Variants in UBE2E2 observed in about 807,000 individuals in gnomAD.
The protein encoded by UBE2E2 is ubiquitin conjugating enzyme E2 E2.
UBE2E2 carries 6 observed loss-of-function variants against 24.7 expected under a neutral mutation model. The observed-to-expected ratio is 0.24, with a 90% CI of 0.13 to 0.48. UBE2E2 has a LOEUF of 0.48. Among genes scored for constraint, UBE2E2 ranks in the 20% least tolerant of loss-of-function variants. The pLI is 0.99. For synonymous variants in UBE2E2, 104 were observed against 83.6 expected, an observed-to-expected ratio of 1.24 and a Z score of -1.33; for missense variants, 169 against 245.0, an observed-to-expected ratio of 0.69 and a Z score of 2.07.
intron 3 of UBE2E2, among the ~76,000 whole-genome samples, chr3:23,271,449 G>A (rs1698239658): frequency 6.6e-6 from 1 of 152,222 alleles, no homozygotes; most frequent in African/African-American, 2.4e-5. Context: ...AGCTTCCACA[G>A]CGTGGTAAGG....
intron 3 of UBE2E2, among the ~76,000 whole-genome samples, chr3:23,257,620 C>G (rs1697771921): frequency 6.8e-6 from 1 of 147,800 alleles, no homozygotes; most frequent in South Asian, 2.2e-4. Context: ...ATCCTCCCAC[C>G]TCAGCCTCCG....
chr3:23,550,129 AC>A (rs1321749690), intron 5 of UBE2E2, among the ~76,000 whole-genome samples: 1 of 152,076 alleles, frequency 6.6e-6, no homozygotes, highest in African/African-American at 2.4e-5. Context: ...GGTGGAATTT[AC>A]TTTCTATAAA....
At chr3:23,541,887 A>G (rs758810750) in intron 5 of UBE2E2, among the ~76,000 whole-genome samples, 2 of 152,180 alleles carry the variant, frequency 1.3e-5, no homozygotes, top group African/African-American at 2.4e-5. Context: ...CCTTGCATAC[A>G]TTGTGACCAC....
intron 3 of UBE2E2, among the ~76,000 whole-genome samples, chr3:23,384,357 T>G (rs1341865950): frequency 6.6e-6 from 1 of 151,458 alleles, no homozygotes; most frequent in Non-Finnish European, 1.5e-5. Context: ...AGAGTTGGGG[T>G]TTCTCCATGT....
intron 3 of UBE2E2, among the ~76,000 whole-genome samples, chr3:23,497,285 G>T (rs991525085): frequency 6.6e-6 from 1 of 152,072 alleles, no homozygotes; most frequent in Admixed American, 6.6e-5. Flanking sequence ...TAAGGTTTAC[G>T]GTATTGCACA....
chr3:23,535,508 G>A (rs1398923674), intron 5 of UBE2E2, among the ~76,000 whole-genome samples: 1 of 151,998 alleles, frequency 6.6e-6, no homozygotes, highest in Non-Finnish European at 1.5e-5. Context: ...GTCGATGGGT[G>A]CACCAGCAAT....
chr3:23,327,561 A>G (rs1694936419), intron 3 of UBE2E2, among the ~76,000 whole-genome samples: 1 of 152,242 alleles, frequency 6.6e-6, no homozygotes, highest in Non-Finnish European at 1.5e-5. Flanking sequence ...CAACCAATAC[A>G]GAAAGATTAT....
At chr3:23,523,622 G>A (rs1433144739) in intron 4 of UBE2E2, among the ~76,000 whole-genome samples, 5 of 145,032 alleles carry the variant, frequency 3.4e-5, no homozygotes, top group Non-Finnish European at 7.6e-5. Context: ...GGGGTGGGGG[G>A]CTGGGGGAAG....
At chr3:23,298,270 G>A (rs1218556056) in intron 3 of UBE2E2, among the ~76,000 whole-genome samples, 28 of 151,922 alleles carry the variant, frequency 1.8e-4, no homozygotes, top group Non-Finnish European at 3.1e-4. Context: ...CTAATTGAAT[G>A]CCCTTTATTT....
chr3:23,321,341 G>A (rs1336588832), intron 3 of UBE2E2, among the ~76,000 whole-genome samples: 1 of 152,086 alleles, frequency 6.6e-6, no homozygotes, highest in African/African-American at 2.4e-5. Flanking sequence ...ACCCTGCAGA[G>A]CAGGACCTGT....
chr3:23,507,212 C>T (rs1002337008), intron 4 of UBE2E2, among the ~76,000 whole-genome samples: 2 of 152,182 alleles, frequency 1.3e-5, no homozygotes, highest in Non-Finnish European at 2.9e-5. Context: ...CAAATGTCAC[C>T]TTTTCAGAGA....
chr3:23,517,974 AT>A (rs899185039), intron 4 of UBE2E2, among the ~76,000 whole-genome samples: 5 of 150,534 alleles, frequency 3.3e-5, no homozygotes, highest in African/African-American at 7.3e-5. Flanking sequence ...GAAAATGGGA[AT>A]TTTTTTTTTC....
intron 3 of UBE2E2, among the ~76,000 whole-genome samples, chr3:23,291,683 C>CTTTTTTTTTTT (rs11308326): frequency 1.1e-5 from 1 of 95,038 alleles, no homozygotes; most frequent in African/African-American, 4.2e-5. Context: ...ATTTAAGGGG[C>CTTTTTTTTTTT]TTTTTTTTTT....
intron 3 of UBE2E2, among the ~76,000 whole-genome samples, chr3:23,264,978 G>C (rs920820220): frequency 5.9e-5 from 9 of 152,160 alleles, no homozygotes; most frequent in Non-Finnish European, 1.3e-4. Flanking sequence ...GACAAGTCTT[G>C]TGTATTTTAG....
chr3:23,540,149 G>C lies in UBE2E2; in HGVS notation c.508+7448G>C, dbSNP rs150985375. On this transcript the variant is annotated intron_variant, in intron 5 of 5. Transcript: ENST00000396703. The stretch of plus-strand genomic sequence containing the variant: ...TGTCGTCATAGCTCTCTGCAGCTTC[G>C]AACTCCTGCACTCAAGCAACCCTCC... Among the ~76,000 whole-genome samples, 1,097 of 151,544 alleles carry C rather than the reference G, an allele frequency of 7.2e-3. 29 individuals are homozygous for C. The East Asian group carries it at 0.077, about 11-fold the overall frequency.
chr3:23,264,651 A>G (rs35922435), intron 3 of UBE2E2, among the ~76,000 whole-genome samples: 1 of 152,228 alleles, frequency 6.6e-6, no homozygotes, highest in Non-Finnish European at 1.5e-5. Flanking sequence ...ATGGTTTGGT[A>G]TGATTCATAC....
intron 5 of UBE2E2, among the ~76,000 whole-genome samples, chr3:23,557,081 A>C (rs1695808530): frequency 6.6e-6 from 1 of 152,226 alleles, no homozygotes; most frequent in Non-Finnish European, 1.5e-5. Flanking sequence ...GATGTGAGCT[A>C]TCCATACATT....
intron 3 of UBE2E2, among the ~76,000 whole-genome samples, chr3:23,425,240 A>G (rs544480719): frequency 6.4e-4 from 98 of 152,298 alleles, no homozygotes; most frequent in African/African-American, 2.3e-3. Flanking sequence ...GTTGCAGATA[A>G]GAAGTAGGGT....
At chr3:23,473,078 C>T (rs1699061126) in intron 3 of UBE2E2, among the ~76,000 whole-genome samples, 1 of 152,008 alleles carries the variant, frequency 6.6e-6, no homozygotes, top group African/African-American at 2.4e-5. Context: ...ATATGCTTCA[C>T]TAGACTACCA....
Sources: gnomAD v4.1 joint callset for allele counts (sites outside exome capture counted in the v4.1 genomes callset) on GRCh38, gnomAD v4.1.1 for gene constraint, MANE v1.5 for transcripts, NCBI Gene and HGNC (gene_info 2026-07-23, HGNC 2026-07-21) for gene names.